MOXD1: variants seen among roughly 807,000 people sequenced by gnomAD.
MOXD1 encodes DBH-like monooxygenase protein 1.
In MOXD1, 62 loss-of-function variants were observed where a neutral mutation model predicts 66.6. That is an observed-to-expected ratio of 0.93 (90% CI 0.76 to 1.15). The LOEUF is 1.15. MOXD1 is among the 50% of genes most tolerant of loss of function. The pLI is 0.00. For synonymous variants in MOXD1, 303 were observed against 281.9 expected, an observed-to-expected ratio of 1.07 and a Z score of -0.75; for missense variants, 847 against 754.6, an observed-to-expected ratio of 1.12 and a Z score of -1.44.
intron 10 of MOXD1, among the ~76,000 whole-genome samples, chr6:132,300,537 C>A (rs775189250): frequency 1.3e-5 from 2 of 152,148 alleles, no homozygotes; most frequent in East Asian, 1.9e-4. Context: ...GGCACGACAG[C>A]TTTACTATGG....
At chr6:132,372,473 G>T (rs1562295912) in intron 4 of MOXD1, 135 bp downstream of exon 4, 1 of 776,016 alleles carries the variant, frequency 1.3e-6, no homozygotes, top group Non-Finnish European at 2.0e-6. Flanking sequence ...GGTCAGCCAA[G>T]CCAGTTCTTT....
At chr6:132,323,363 C>T (rs763203379) in intron 7 of MOXD1, among the ~76,000 whole-genome samples, 4 of 152,122 alleles carry the variant, frequency 2.6e-5, no homozygotes, top group Non-Finnish European at 2.9e-5. Flanking sequence ...ATAATCTTTC[C>T]ACTTCACCAG....
intron 1 of MOXD1, among the ~76,000 whole-genome samples, chr6:132,396,582 A>G (rs1776882345): frequency 6.6e-6 from 1 of 152,086 alleles, no homozygotes; most frequent in African/African-American, 2.4e-5. Context: ...AGGATCAATA[A>G]AAGGAAGTTA....
At position 132,391,870 on chromosome 6, in the gene MOXD1, C is replaced by T. The variant is rs549678233; in HGVS notation, c.264+9293G>A. On this transcript the variant is annotated intron_variant, in intron 1 of 11. Transcript: ENST00000367963. ...AGGCTAATTATGAAATCATCTGCTC[C>T]GCCAGGAAGAAGCACACAGCTGAAG... 2.9e-4 allele frequency: 56 copies of T among 194,798 alleles called. 1 individual carries two copies. The highest frequency in any genetic ancestry group is 2.4e-3 in the Admixed American group (40 of 16,530). 12.1% of individuals were successfully genotyped at this position (194,798 alleles called of 1,614,324 possible).
chr6:132,382,090 T>C (rs1168348436), intron 1 of MOXD1, among the ~76,000 whole-genome samples: 1 of 152,136 alleles, frequency 6.6e-6, no homozygotes, highest in African/African-American at 2.4e-5. Flanking sequence ...CATGGCCTGA[T>C]ATCACAGTCA....
chr6:132,320,792 G>A (rs888550629), intron 8 of MOXD1, 104 bp from the exon 9 acceptor site: 23 of 918,940 alleles, frequency 2.5e-5, no homozygotes, highest in African/African-American at 8.4e-5. Flanking sequence ...GAATGGATGC[G>A]CCAAGTAATT....
At chr6:132,398,858 G>C (rs1776956200) in intron 1 of MOXD1, among the ~76,000 whole-genome samples, 1 of 144,958 alleles carries the variant, frequency 6.9e-6, no homozygotes, top group Non-Finnish European at 1.5e-5. Context: ...AGAATCACTT[G>C]AACCTGAGAG....
At chr6:132,337,557 C>T (rs1466133091) in intron 4 of MOXD1, among the ~76,000 whole-genome samples, 1 of 152,128 alleles carries the variant, frequency 6.6e-6, no homozygotes, top group Non-Finnish European at 1.5e-5. Flanking sequence ...CACCTAGGCA[C>T]TTAGGATTAA....
intron 4 of MOXD1, among the ~76,000 whole-genome samples, chr6:132,329,857 G>GA (rs763028841): frequency 2.6e-5 from 4 of 151,810 alleles, no homozygotes; most frequent in Admixed American, 6.6e-5. Flanking sequence ...ATTTGGAAGA[G>GA]AAAAAAAACA....
At position 132,297,122 on chromosome 6, in the gene MOXD1, G is replaced by C; in HGVS notation, c.*31C>G. The stretch of plus-strand genomic sequence containing the variant: ...CTTCAAATGACAGGTTCAGATCATA[G>C]AAAACATTGTCAAGTCCAACAGAAT... On this transcript the variant is annotated 3_prime_UTR_variant, in exon 12 of 12. Coordinates refer to ENST00000367963, the MANE Select transcript of MOXD1 (RefSeq NM_015529.4). 1 of 1,607,570 alleles carries C rather than the reference G, an allele frequency of 6.2e-7. No homozygotes were observed.
chr6:132,313,610 C>T (rs1272412640), intron 10 of MOXD1, among the ~76,000 whole-genome samples: 1 of 152,126 alleles, frequency 6.6e-6, no homozygotes, highest in Non-Finnish European at 1.5e-5. Flanking sequence ...TCCTTAAATA[C>T]ATGTCTCAAA....
chr6:132,343,192 A>G (rs1224184407), intron 4 of MOXD1, among the ~76,000 whole-genome samples: 5 of 152,238 alleles, frequency 3.3e-5, no homozygotes, highest in African/African-American at 1.2e-4. Flanking sequence ...CTTATATCAA[A>G]CAAAAGGCTT....
chr6:132,326,959 C>A (rs1357707710), intron 6 of MOXD1, among the ~76,000 whole-genome samples: 2 of 152,188 alleles, frequency 1.3e-5, no homozygotes, highest in African/African-American at 2.4e-5. Flanking sequence ...CAATATTTGA[C>A]TCCACTGTAT....
At chr6:132,312,666 A>G (rs184469751) in intron 10 of MOXD1, among the ~76,000 whole-genome samples, 2 of 150,218 alleles carry the variant, frequency 1.3e-5, no homozygotes, top group African/African-American at 2.5e-5. Flanking sequence ...CTTGTTCTGT[A>G]AAGCAATTCT....
At chr6:132,373,880 A>G (rs1304397326) in intron 2 of MOXD1, among the ~76,000 whole-genome samples, 1 of 152,222 alleles carries the variant, frequency 6.6e-6, no homozygotes, top group African/African-American at 2.4e-5. Flanking sequence ...GTATAATTGC[A>G]CTGTATATTG....
chr6:132,399,633 T>C (rs943184424), intron 1 of MOXD1, among the ~76,000 whole-genome samples: 9 of 152,198 alleles, frequency 5.9e-5, no homozygotes, highest in Non-Finnish European at 1.0e-4. Context: ...TGCTACTCTT[T>C]GAGGGAAAAT....
intron 4 of MOXD1, among the ~76,000 whole-genome samples, chr6:132,350,132 G>T (rs1775774736): frequency 6.6e-6 from 1 of 152,132 alleles, no homozygotes; most frequent in African/African-American, 2.4e-5. Context: ...AGTTTAATTA[G>T]GTCCCAACTA....
intron 4 of MOXD1, among the ~76,000 whole-genome samples, chr6:132,362,114 T>C (rs572686158): frequency 3.9e-5 from 6 of 152,234 alleles, no homozygotes; most frequent in East Asian, 3.9e-4. Context: ...TTTTGATAAG[T>C]ATACAATTGT....
chr6:132,378,348 A>G (rs1367297228), intron 1 of MOXD1, among the ~76,000 whole-genome samples: 2 of 152,126 alleles, frequency 1.3e-5, no homozygotes, highest in Non-Finnish European at 2.9e-5. Context: ...AACCTTCTCT[A>G]TGCAAGATTC....
Sources: gnomAD v4.1 joint callset for allele counts (sites outside exome capture counted in the v4.1 genomes callset) on GRCh38, gnomAD v4.1.1 for gene constraint, MANE v1.5 for transcripts, NCBI Gene and HGNC (gene_info 2026-07-23, HGNC 2026-07-21) for gene names.